BANK1: variants seen among roughly 807,000 people sequenced by gnomAD.
The protein encoded by BANK1 is B-cell scaffold protein with ankyrin repeats.
Under a neutral mutation model 94.5 loss-of-function variants are expected in BANK1, and 95 were observed. The observed-to-expected ratio is 1.00, with a 90% CI of 0.85 to 1.19. The LOEUF is 1.19. Ranked by LOEUF, BANK1 falls within the 50% of genes most tolerant of loss-of-function variation. BANK1 has a pLI of 0.00. For synonymous variants in BANK1, 334 were observed against 308.4 expected (o/e 1.08, Z -0.87); for missense variants, 987 against 932.2 (o/e 1.06, Z -0.77).
At chr4:102,045,445 A>G (rs1162399265) in intron 11 of BANK1, among the ~76,000 whole-genome samples, 3 of 152,182 alleles carry the variant, frequency 2.0e-5, no homozygotes, top group South Asian at 2.1e-4. Context: ...GGCCAAGGCA[A>G]TGAGGCAGGA....
At chr4:101,875,261 T>G (rs944459394) in intron 5 of BANK1, among the ~76,000 whole-genome samples, 1 of 152,128 alleles carries the variant, frequency 6.6e-6, no homozygotes, top group Non-Finnish European at 1.5e-5. Flanking sequence ...TATGAGGCAT[T>G]GAACCCTGAG....
intron 1 of BANK1, among the ~76,000 whole-genome samples, chr4:101,815,879 A>G (rs139575460): frequency 2.0e-5 from 3 of 152,316 alleles, no homozygotes; most frequent in African/African-American, 4.8e-5. Context: ...AGAAATTTAT[A>G]CACTTTACAA....
At chr4:102,008,081 T>C (rs1726364253) in intron 7 of BANK1, among the ~76,000 whole-genome samples, 1 of 152,172 alleles carries the variant, frequency 6.6e-6, no homozygotes, top group South Asian at 2.1e-4. Context: ...ATGTCTCTTA[T>C]GTGTCATCTG....
chr4:101,943,458 G>A (rs1020746704), intron 7 of BANK1, among the ~76,000 whole-genome samples: 4 of 151,930 alleles, frequency 2.6e-5, no homozygotes, highest in African/African-American at 9.6e-5. Context: ...AAGGTAACAG[G>A]ACAACAGGTC....
intron 7 of BANK1, among the ~76,000 whole-genome samples, chr4:101,936,462 T>C (rs74879147): frequency 8.0e-4 from 120 of 150,522 alleles, no homozygotes; most frequent in African/African-American, 2.8e-3. Flanking sequence ...ATACTTTATA[T>C]GTATGATATA....
chr4:101,962,777 T>C (rs1358230257), intron 7 of BANK1, among the ~76,000 whole-genome samples: 1 of 152,148 alleles, frequency 6.6e-6, no homozygotes, highest in Non-Finnish European at 1.5e-5. Flanking sequence ...TTAAAATATA[T>C]TTTAGTGGTT....
intron 6 of BANK1, among the ~76,000 whole-genome samples, chr4:101,909,013 T>C (rs1205240370): frequency 6.6e-6 from 1 of 152,168 alleles, no homozygotes; most frequent in East Asian, 1.9e-4. Context: ...TCCTCAAGGA[T>C]CTAGAACTAG....
chr4:101,880,575 T>C (rs954717885), intron 5 of BANK1, among the ~76,000 whole-genome samples: 1 of 152,084 alleles, frequency 6.6e-6, no homozygotes, highest in South Asian at 2.1e-4. Flanking sequence ...GAAAAAAAAC[T>C]ATCCTAAAGT....
chr4:101,821,678 T>G (rs1010401905), intron 1 of BANK1, among the ~76,000 whole-genome samples: 1 of 152,186 alleles, frequency 6.6e-6, no homozygotes, highest in Admixed American at 6.5e-5. Flanking sequence ...GTTTGCTTGA[T>G]TTTTTGAATC....
chr4:102,054,607 T>G lies in BANK1; in HGVS notation c.1970-5604T>G, dbSNP rs775503352. Among the ~76,000 whole-genome samples, 33 of 152,208 alleles carry G rather than the reference T, an allele frequency of 2.2e-4. 2 individuals carry two copies. The South Asian group carries it at 5.0e-3, about 23-fold the overall frequency. ...ATCTTCTTAGGATACCAGCCAGGAC[T>G]GAGAATTAAATTGATGTAAAATAGA... On this transcript the variant is annotated intron_variant, in intron 11 of 16. Transcript: ENST00000322953.
rs199585646 is a variant in BANK1, at chr4:101,830,245, T to G, written c.469+39T>G. The G allele has an allele frequency of 6.9e-4, 88 of 128,394 alleles. 1 individual carries two copies. In the Middle Eastern group the frequency reaches 0.014, roughly 20 times the overall value. 8.0% of individuals were successfully genotyped at this position (128,394 alleles called of 1,614,324 possible). On this transcript the variant is annotated intron_variant, in intron 2 of 16. Transcript: ENST00000322953. ...ACCTTGTTTGTTTTATTTTTATTTG[T>G]TTTTTTTTTTTTGTAATTAAAGAAT...
In BANK1 at chr4:101,886,393, G is replaced by A. The variant is rs28455613; in HGVS notation, c.904-8912G>A. Among the ~76,000 whole-genome samples, 960 of 152,206 alleles carry A rather than the reference G, an allele frequency of 6.3e-3. 11 individuals are homozygous for A. The highest frequency in any genetic ancestry group is 0.021 in the African/African-American group (888 of 41,532). On this transcript the variant is annotated intron_variant, in intron 5 of 16. Transcript: ENST00000322953. Reference sequence around the variant, plus strand: ...GAATCAAATGAATATAAACAAGATGGATTCTGTCACATAACTTGGAACCTG... The same window carrying A: ...GAATCAAATGAATATAAACAAGATGAATTCTGTCACATAACTTGGAACCTG...
chr4:102,055,972 T>A (rs1446746148), intron 11 of BANK1, among the ~76,000 whole-genome samples: 1 of 152,076 alleles, frequency 6.6e-6, no homozygotes, highest in East Asian at 1.9e-4. Flanking sequence ...AGGGCAGGAC[T>A]AGTGGCCATA....
At chr4:101,799,338 A>G (rs1183757860) in intron 1 of BANK1, among the ~76,000 whole-genome samples, 2 of 152,168 alleles carry the variant, frequency 1.3e-5, no homozygotes, top group African/African-American at 2.4e-5. Context: ...TTTTGGTACC[A>G]GTACCATACT....
At chr4:101,868,506 A>G (rs1172930974) in intron 4 of BANK1, among the ~76,000 whole-genome samples, 1 of 151,972 alleles carries the variant, frequency 6.6e-6, no homozygotes, top group Non-Finnish European at 1.5e-5. Flanking sequence ...AGCAATAGAC[A>G]AGTCCACTAT....
At chr4:101,934,008 T>G (rs1468457027) in intron 7 of BANK1, among the ~76,000 whole-genome samples, 1 of 151,450 alleles carries the variant, frequency 6.6e-6, no homozygotes, top group East Asian at 2.0e-4. Flanking sequence ...CATATTTCAC[T>G]GCAACCACGT....
At chr4:101,942,345 T>C (rs1439630966) in intron 7 of BANK1, among the ~76,000 whole-genome samples, 1 of 151,850 alleles carries the variant, frequency 6.6e-6, no homozygotes, top group African/African-American at 2.4e-5. Context: ...ATTCCTCTAA[T>C]AAACCACAGA....
At chr4:101,996,922 T>C (rs546891245) in intron 7 of BANK1, among the ~76,000 whole-genome samples, 7 of 152,320 alleles carry the variant, frequency 4.6e-5, no homozygotes, top group Non-Finnish European at 8.8e-5. Context: ...ACCCTTTTTT[T>C]CTTTCTCTTG....
intron 14 of BANK1, 142 bp from the exon 15 acceptor site, chr4:102,072,203 G>A (rs1728782707): frequency 2.9e-6 from 2 of 691,796 alleles, no homozygotes; most frequent in Non-Finnish European, 4.9e-6. Flanking sequence ...TGCCTTTTCG[G>A]TATCCCCCTT....
Sources: gnomAD v4.1 joint callset for allele counts (sites outside exome capture counted in the v4.1 genomes callset) on GRCh38, gnomAD v4.1.1 for gene constraint, MANE v1.5 for transcripts, NCBI Gene and HGNC (gene_info 2026-07-23, HGNC 2026-07-21) for gene names.